PALS2: variants seen among roughly 807,000 people sequenced by gnomAD.
PALS2 encodes the protein protein PALS2.
Under a neutral mutation model 61.6 loss-of-function variants are expected in PALS2, and 27 were observed. That is an observed-to-expected ratio of 0.44 (90% CI 0.32 to 0.60). The LOEUF (loss-of-function observed/expected upper bound fraction) is 0.60, where lower values mean the gene tolerates loss of function less well. Among genes scored for constraint, PALS2 ranks in the 20% least tolerant of loss-of-function variants. The pLI is 0.05. For missense variants in PALS2, 554 were observed against 639.4 expected, an observed-to-expected ratio of 0.87 and a Z score of 1.44; for synonymous variants, 236 against 218.6, an observed-to-expected ratio of 1.08 and a Z score of -0.70.
At chr7:24,627,470 A>G (rs1485722907) in intron 2 of PALS2, among the ~76,000 whole-genome samples, 3 of 152,206 alleles carry the variant, frequency 2.0e-5, no homozygotes, top group Non-Finnish European at 4.4e-5. Flanking sequence ...AGCAAGAGCA[A>G]TTAAATTCAA....
At chr7:24,646,050 G>A (rs1269142032) in intron 3 of PALS2, among the ~76,000 whole-genome samples, 1 of 151,982 alleles carries the variant, frequency 6.6e-6, no homozygotes, top group African/African-American at 2.4e-5. Flanking sequence ...AGGAGCTTTT[G>A]GGCTGAGACT....
chr7:24,687,735 G>T lies in PALS2; in HGVS notation c.*121G>T. ...ATCTGCTAAGTCCAGGCATTTTTAT[G>T]GTGTAGATTGAAATAATAGTACACT... On this transcript the variant is annotated 3_prime_UTR_variant, in exon 12 of 12. Coordinates refer to ENST00000222644, the MANE Select transcript of PALS2 (RefSeq NM_001303037.2). This position sits in a 1 kb window ranked among gnomAD's most constrained non-coding sequence, Gnocchi z 4.5. The T allele has an allele frequency of 1.0e-6, 1 of 969,452 alleles. No homozygotes were observed. Among genetic ancestry groups the T allele is most frequent in the Middle Eastern group, 3.3e-4 (1 of 3,038 alleles). 60.1% of individuals were successfully genotyped at this position (969,452 alleles called of 1,614,324 possible). A position where few individuals can be genotyped will look rare whatever the true frequency, so the allele number is the denominator to read the frequency against.
chr7:24,603,053 T>G, intron 1 of PALS2, among the ~76,000 whole-genome samples: 1 of 152,194 alleles, frequency 6.6e-6, no homozygotes, highest in Non-Finnish European at 1.5e-5. Context: ...TTACCCAGTC[T>G]TGGGTCATAC....
At chr7:24,628,652 G>T (rs529637663) in intron 2 of PALS2, among the ~76,000 whole-genome samples, 3 of 152,158 alleles carry the variant, frequency 2.0e-5, no homozygotes, top group Non-Finnish European at 4.4e-5. Flanking sequence ...AAAGTCTCAG[G>T]ATACAAAATC....
chr7:24,643,884 T>C (rs1396934274), intron 3 of PALS2, among the ~76,000 whole-genome samples: 1 of 152,128 alleles, frequency 6.6e-6, no homozygotes, highest in Non-Finnish European at 1.5e-5. Flanking sequence ...TTAAACTGCA[T>C]TAGAAGATGT....
At chr7:24,681,185 A>G (rs959151797) in intron 11 of PALS2, among the ~76,000 whole-genome samples, 1 of 151,882 alleles carries the variant, frequency 6.6e-6, no homozygotes, top group East Asian at 1.9e-4. Flanking sequence ...GGGTGTTCTG[A>G]TGTTTAGTTT....
intron 5 of PALS2, among the ~76,000 whole-genome samples, chr7:24,653,851 C>A (rs1786283386): frequency 6.6e-6 from 1 of 152,092 alleles, no homozygotes; most frequent in Non-Finnish European, 1.5e-5. Flanking sequence ...TGAGACAAAG[C>A]AGCTAACAGA....
rs879324892 is a variant in PALS2 at position 24,693,789 on chromosome 7, C to T, written c.*6175C>T. ...GGACTCTGTTGTAGAAGAATGAGCA[C>T]TAGTATTCAGCAACAAGTGCAATTT... On this transcript the variant is annotated 3_prime_UTR_variant, in exon 12 of 12. Transcript: ENST00000222644. The T allele has an allele frequency of 6.6e-6, 1 of 152,072 alleles. No individual in the cohort carries two copies. Among genetic ancestry groups the T allele is most frequent in the Non-Finnish European group, 1.5e-5 (1 of 68,022 alleles). The allele number at this position is 152,072 out of a possible 1,614,324, so 9.4% of individuals were successfully genotyped here. A position where few individuals can be genotyped will look rare whatever the true frequency, so the allele number is the denominator to read the frequency against.
chr7:24,599,185 T>C (rs943435427), intron 1 of PALS2, among the ~76,000 whole-genome samples: 3 of 152,116 alleles, frequency 2.0e-5, no homozygotes, highest in Non-Finnish European at 4.4e-5. Flanking sequence ...ATGTGGGCTA[T>C]TTGGCCTATT....
chr7:24,685,419 C>A (rs1052170811), intron 11 of PALS2, among the ~76,000 whole-genome samples: 1 of 152,140 alleles, frequency 6.6e-6, no homozygotes, highest in Non-Finnish European at 1.5e-5. Context: ...TTCCTCCCAC[C>A]CACATAGGCT....
In PALS2 at chr7:24,650,688, T is replaced by G; in HGVS notation, c.627T>G (p.Tyr209Ter). The G allele has an allele frequency of 6.3e-7, 1 of 1,596,530 alleles. No homozygotes were observed. Among genetic ancestry groups the G allele is most frequent in the Non-Finnish European group, 8.6e-7 (1 of 1,165,766 alleles). The change falls in exon 5 of 12, where the codon TAT (tyrosine) becomes TAG (stop). Residue 209 changes from tyrosine to a stop codon, truncating the protein, a stop_gained. Coordinates refer to ENST00000222644, the MANE Select transcript of PALS2 (RefSeq NM_001303037.2). LOFTEE classifies it high-confidence loss of function. ...TCACCCTAAAAATCTTACCAAGTTA[T>G]AGAGATACCATTACTCCTCAACAGG... ...GSVTLKILPS[Y>*]RDTITPQQVF...
intron 5 of PALS2, among the ~76,000 whole-genome samples, chr7:24,650,918 T>G (rs1786114202): frequency 6.6e-6 from 1 of 152,224 alleles, no homozygotes; most frequent in Non-Finnish European, 1.5e-5. Flanking sequence ...AGTAGATTTC[T>G]TCATTAACAC....
intron 5 of PALS2, among the ~76,000 whole-genome samples, chr7:24,662,179 C>T (rs1786756095): frequency 6.6e-6 from 1 of 152,130 alleles, no homozygotes; most frequent in Admixed American, 6.5e-5. Context: ...CTATGAAAAT[C>T]ATCTAATTAT....
At chr7:24,643,916 C>T (rs1419608491) in intron 3 of PALS2, among the ~76,000 whole-genome samples, 3 of 152,066 alleles carry the variant, frequency 2.0e-5, no homozygotes, top group Non-Finnish European at 2.9e-5. Context: ...TGGCCCACCA[C>T]AGGGCTGAGA....
chr7:24,603,807 C>G (rs1783798936), intron 1 of PALS2, among the ~76,000 whole-genome samples: 1 of 152,136 alleles, frequency 6.6e-6, no homozygotes, highest in East Asian at 1.9e-4. Flanking sequence ...GAAACAGATT[C>G]TGCAGTTTAA....
chr7:24,657,614 T>C (rs1199519138), intron 5 of PALS2, among the ~76,000 whole-genome samples: 1 of 152,220 alleles, frequency 6.6e-6, no homozygotes, highest in Non-Finnish European at 1.5e-5. Context: ...TTCATCAGAA[T>C]TGGGATTTGC....
chr7:24,582,484 A>G (rs1221841327), intron 1 of PALS2, among the ~76,000 whole-genome samples: 1 of 152,160 alleles, frequency 6.6e-6, no homozygotes, highest in African/African-American at 2.4e-5. Context: ...ATTACTATAA[A>G]TACTTTATTG....
chr7:24,636,457 T>C (rs1785243953), intron 2 of PALS2, among the ~76,000 whole-genome samples: 1 of 152,152 alleles, frequency 6.6e-6, no homozygotes, highest in South Asian at 2.1e-4. Context: ...TTAAGAGATA[T>C]TTGATACACA....
At chr7:24,577,820 CTTT>C (rs2128038047) in intron 1 of PALS2, among the ~76,000 whole-genome samples, 1 of 152,232 alleles carries the variant, frequency 6.6e-6, no homozygotes, top group South Asian at 2.1e-4. Context: ...ATCCCATTAC[CTTT>C]TTTACTTAAA....
Sources: gnomAD v4.1 joint callset for allele counts (sites outside exome capture counted in the v4.1 genomes callset) on GRCh38, gnomAD v4.1.1 for gene constraint, Gnocchi (gnomAD v3.1) non-coding constraint, MANE v1.5 for transcripts, NCBI Gene and HGNC (gene_info 2026-07-23, HGNC 2026-07-21) for gene names.